ALDH7A1: variants seen among roughly 807,000 people sequenced by gnomAD.
The protein encoded by ALDH7A1 is aldehyde dehydrogenase 7 family member A1, also known as alpha-aminoadipic semialdehyde dehydrogenase.
In ALDH7A1, 63 loss-of-function variants were observed where a neutral mutation model predicts 79.9. The observed-to-expected ratio is 0.79, with a 90% CI of 0.64 to 0.97. The LOEUF (loss-of-function observed/expected upper bound fraction) is 0.97, where lower values mean the gene tolerates loss of function less well. Among genes scored for constraint, ALDH7A1 ranks in the 50% least tolerant of loss-of-function variants. The pLI, the probability that ALDH7A1 is intolerant of heterozygous loss-of-function variation, is 0.00. For synonymous variants in ALDH7A1, 240 were observed against 231.2 expected, an observed-to-expected ratio of 1.04 and a Z score of -0.34; for missense variants, 627 against 665.2, an observed-to-expected ratio of 0.94 and a Z score of 0.63.
chr5:126,577,629 G>A (rs910724696), intron 5 of ALDH7A1, among the ~76,000 whole-genome samples: 2 of 152,126 alleles, frequency 1.3e-5, no homozygotes, highest in Admixed American at 6.5e-5. Context: ...GTGGAGTGGC[G>A]CAATCTCAGC....
chr5:126,568,150 T>C (rs2112781923), intron 9 of ALDH7A1, 109 bp downstream of exon 9: 1 of 999,206 alleles, frequency 1.0e-6, no homozygotes, highest in Non-Finnish European at 1.6e-6. Context: ...CAAATAAACA[T>C]GACCACTGCC....
At chr5:126,582,703 G>T in intron 5 of ALDH7A1, 148 bp downstream of exon 5, 1 of 937,138 alleles carries the variant, frequency 1.1e-6, no homozygotes, top group Non-Finnish European at 1.6e-6. Flanking sequence ...GTTTTAATTT[G>T]CATTTCTTTG....
chr5:126,551,320 C>CCT (rs541194192), intron 14 of ALDH7A1, among the ~76,000 whole-genome samples: 4 of 145,858 alleles, frequency 2.7e-5, no homozygotes, highest in Non-Finnish European at 4.5e-5. Context: ...AACTATAGGT[C>CCT]TTTTTTTTTT....
At chr5:126,594,056 C>G (rs1384225965) in intron 1 of ALDH7A1, 2 of 356,212 alleles carry the variant, frequency 5.6e-6, no homozygotes, top group East Asian at 7.5e-5. Context: ...ACATAACATC[C>G]TCCTATAAAA....
chr5:126,593,610 G>T, intron 1 of ALDH7A1: 1 of 699,306 alleles, frequency 1.4e-6, no homozygotes, highest in Non-Finnish European at 2.4e-6. Context: ...CTACCTTTCT[G>T]CAAAACTCGC....
At position 126,544,466 on chromosome 5, in the gene ALDH7A1, T is replaced by C. The variant is rs1482450852; in HGVS notation, c.*499A>G. On this transcript the variant is annotated 3_prime_UTR_variant, in exon 18 of 18. Transcript: ENST00000409134. ...AAGTTATTCCACATGAATACTGAACTGTGGTCCAAGCATACAGGGGAATGC... is the reference window on the plus strand; with the variant it reads ...AAGTTATTCCACATGAATACTGAACCGTGGTCCAAGCATACAGGGGAATGC... 5.5e-6 allele frequency: 1 copy of C among 180,784 alleles called. No individual in the cohort carries two copies. The highest frequency in any genetic ancestry group is 2.4e-5 in the African/African-American group (1 of 41,816). 11.2% of individuals were successfully genotyped at this position (180,784 alleles called of 1,614,324 possible).
rs1267817485 is a variant in ALDH7A1, at chr5:126,561,066, CAA to C, written c.913+15_913+16del. 2 of 1,613,220 alleles carry C rather than the reference CAA, an allele frequency of 1.2e-6. No homozygotes were observed. The highest frequency in any genetic ancestry group is 3.3e-5 in the Admixed American group (2 of 59,990). On this transcript the variant is annotated intron_variant, in intron 10 of 17. Transcript: ENST00000409134. ...AAACTGAACAGAAAACAAACAAAAA[CAA>C]AGAGGCAGCCTTACCAATAATGGCA...
intron 11 of ALDH7A1, among the ~76,000 whole-genome samples, chr5:126,556,925 ACTG>A: frequency 1.3e-5 from 2 of 152,342 alleles, no homozygotes; most frequent in South Asian, 4.1e-4. Context: ...TAAAAATATT[ACTG>A]CTAACTCTAA....
rs778144937 is a variant in ALDH7A1 at position 126,595,168 on chromosome 5, G to C, written c.31C>G (p.His11Asp). 24 of 1,554,072 alleles carry C rather than the reference G, an allele frequency of 1.5e-5. No individual in the cohort carries two copies. The Admixed American group carries it at 4.3e-4, about 28-fold the overall frequency. The stretch of plus-strand genomic sequence containing the variant: ...GAGAGCTTGCTGGTCTTTGCAGCGT[G>C]CACACACAGCGCGCGAGGAAGGCGC... MWRLPRALCV[H>D]AAKTSKLSGP... Residue 11 changes from histidine to aspartate, a missense_variant, in exon 1 of 18, where the codon CAC becomes GAC. By Grantham distance (81) the His-to-Asp change is moderately conservative. Coordinates refer to ENST00000409134, the MANE Select transcript of ALDH7A1 (RefSeq NM_001182.5).
rs552150223 is a variant in ALDH7A1 at position 126,577,019 on chromosome 5, G to C, written c.650+60C>G. On this transcript the variant is annotated intron_variant, in intron 6 of 17. Coordinates refer to ENST00000409134, the MANE Select transcript of ALDH7A1 (RefSeq NM_001182.5). ...AGTTACTGAAGAGGCTGAGGTAGTA[G>C]TATCTAGAAATGGCTATTTTTATCA... 39 of 1,608,812 alleles carry C rather than the reference G, an allele frequency of 2.4e-5. No homozygotes were observed. The African/African-American group carries it at 3.6e-4, about 15-fold the overall frequency.
chr5:126,546,867 A>G (rs768291190), intron 16 of ALDH7A1, among the ~76,000 whole-genome samples: 1 of 152,222 alleles, frequency 6.6e-6, no homozygotes, highest in Non-Finnish European at 1.5e-5. Context: ...AAGAAAATAT[A>G]ACAATTTTGA....
chr5:126,578,150 G>A (rs966518108), intron 5 of ALDH7A1, among the ~76,000 whole-genome samples: 5 of 151,754 alleles, frequency 3.3e-5, no homozygotes, highest in African/African-American at 9.7e-5. Flanking sequence ...TTAGCCGGGC[G>A]TGGTGGCGGG....
chr5:126,558,166 C>CAAAAAAAAAA (rs35559498), intron 11 of ALDH7A1, among the ~76,000 whole-genome samples: 7 of 75,398 alleles, frequency 9.3e-5, no homozygotes, highest in South Asian at 7.0e-4. Flanking sequence ...GACTCCAACT[C>CAAAAAAAAAA]AAAAAAAAAA....
intron 5 of ALDH7A1, 38 bp from the exon 6 acceptor site, chr5:126,577,249 T>C: frequency 6.2e-7 from 1 of 1,612,390 alleles, no homozygotes; most frequent in Non-Finnish European, 8.5e-7. Flanking sequence ...CAGAAGCATG[T>C]TAATTTAATG....
intron 5 of ALDH7A1, among the ~76,000 whole-genome samples, chr5:126,578,555 C>T (rs1384576100): frequency 1.3e-5 from 2 of 148,622 alleles, no homozygotes; most frequent in African/African-American, 5.0e-5. Flanking sequence ...AGGAGAACTG[C>T]TTGAGCCCAG....
chr5:126,573,116 C>CA lies in ALDH7A1; in HGVS notation c.696-2258dup, dbSNP rs11290126. 3.9e-3 allele frequency among the ~76,000 whole-genome samples: 367 copies of CA among 95,124 alleles called. 3 individuals carry two copies. Among genetic ancestry groups the CA allele is most frequent in the East Asian group, 0.013 (42 of 3,240 alleles). The allele number at this position is 95,124 out of a possible 152,430, so 62.4% of individuals were successfully genotyped here. A position where few individuals can be genotyped will look rare whatever the true frequency, so the allele number is the denominator to read the frequency against. On this transcript the variant is annotated intron_variant, in intron 7 of 17. Transcript: ENST00000409134. ...TTTCAAATTCTTCAACCATTTAAAG[C>CA]AAAAAAAAAAAAAAAAAAAAAGCTT...
intron 3 of ALDH7A1, among the ~76,000 whole-genome samples, chr5:126,585,300 A>G (rs1751323493): frequency 6.6e-6 from 1 of 152,030 alleles, no homozygotes; most frequent in Non-Finnish European, 1.5e-5. Flanking sequence ...TTCTGTCTCA[A>G]AAAAAATAAT....
intron 3 of ALDH7A1, chr5:126,586,960 T>G (rs1294442625): frequency 6.6e-6 from 1 of 151,974 alleles, no homozygotes; most frequent in Admixed American, 6.6e-5. Context: ...GTACCTGTAA[T>G]CCCAGCTACT....
Position 126,551,390 on chromosome 5 carries a change from C to A in ALDH7A1, c.1317+631G>T, listed in dbSNP as rs549120539. ...AGTGCAATGGTGCGATCTCGGCTCACTGCAACCTCAGCCTCCTGGGTTCAA... is the reference window on the plus strand; with the variant it reads ...AGTGCAATGGTGCGATCTCGGCTCAATGCAACCTCAGCCTCCTGGGTTCAA... On this transcript the variant is annotated intron_variant, in intron 14 of 17. Coordinates refer to ENST00000409134, the MANE Select transcript of ALDH7A1 (RefSeq NM_001182.5). Among the ~76,000 whole-genome samples, 6 of 152,022 alleles carry A rather than the reference C, an allele frequency of 3.9e-5. No homozygotes were observed. In the East Asian group the frequency reaches 1.2e-3, roughly 30 times the overall value.
Sources: allele counts gnomAD v4.1 joint callset (sites outside exome capture counted in the v4.1 genomes callset), GRCh38; gene constraint gnomAD v4.1.1; transcripts MANE v1.5; gene names NCBI Gene and HGNC (gene_info 2026-07-23, HGNC 2026-07-21).